TLL1: variants seen among roughly 807,000 people sequenced by gnomAD.
TLL1 encodes tolloid-like protein 1.
In TLL1, 49 loss-of-function variants were observed where a neutral mutation model predicts 128.2. The observed-to-expected ratio is 0.38, with a 90% CI of 0.30 to 0.48. The LOEUF (loss-of-function observed/expected upper bound fraction) is 0.48, where lower values mean the gene tolerates loss of function less well. Among genes scored for constraint, TLL1 ranks in the 20% least tolerant of loss-of-function variants. TLL1 has a pLI of 0.96. For missense variants in TLL1, 1,123 were observed against 1,242.0 expected, an observed-to-expected ratio of 0.90 and a Z score of 1.44; for synonymous variants, 454 against 418.8, an observed-to-expected ratio of 1.08 and a Z score of -1.03.
intron 9 of TLL1, among the ~76,000 whole-genome samples, chr4:166,032,075 A>T (rs1018791107): frequency 1.3e-5 from 2 of 152,150 alleles, no homozygotes; most frequent in African/African-American, 4.8e-5. Context: ...TTCTTTAGTT[A>T]TAGAGAATGT....
At chr4:166,004,434 T>C (rs567440860) in intron 6 of TLL1, among the ~76,000 whole-genome samples, 2 of 152,238 alleles carry the variant, frequency 1.3e-5, no homozygotes, top group East Asian at 3.9e-4. Context: ...ATGTTAGGCG[T>C]TGAAGATACT....
chr4:165,955,700 G>A (rs1286190769), intron 1 of TLL1, among the ~76,000 whole-genome samples: 1 of 152,128 alleles, frequency 6.6e-6, no homozygotes, highest in Non-Finnish European at 1.5e-5. Flanking sequence ...AGTTTCATAA[G>A]TGAAGGAAAA....
At chr4:166,052,494 A>G (rs1368577259) in intron 12 of TLL1, among the ~76,000 whole-genome samples, 1 of 152,028 alleles carries the variant, frequency 6.6e-6, no homozygotes, top group African/African-American at 2.4e-5. Context: ...ACAGGGTTTC[A>G]CCACCTTGGC....
intron 1 of TLL1, among the ~76,000 whole-genome samples, chr4:165,957,858 C>T: frequency 1.0e-5 from 1 of 99,216 alleles, no homozygotes; most frequent in African/African-American, 3.9e-5. Context: ...GCTATCCCTC[C>T]CCCCTCCCCC....
At chr4:166,088,895 G>A (rs1249281794) in intron 18 of TLL1, among the ~76,000 whole-genome samples, 2 of 152,112 alleles carry the variant, frequency 1.3e-5, no homozygotes, top group Admixed American at 6.6e-5. Flanking sequence ...AAGAAAAATA[G>A]TCACCTATTT....
intron 20 of TLL1, among the ~76,000 whole-genome samples, chr4:166,100,048 CA>C (rs1742220008): frequency 6.6e-6 from 1 of 152,096 alleles, no homozygotes; most frequent in Admixed American, 6.6e-5. Context: ...GTGCAGAGTG[CA>C]GGTACAGGTC....
In TLL1 at chr4:165,939,088, G is replaced by GA. The variant is rs1733887056; in HGVS notation, c.170-50289dup. On this transcript the variant is annotated intron_variant, in intron 1 of 20. Coordinates refer to ENST00000061240, the MANE Select transcript of TLL1 (RefSeq NM_012464.5). Reference sequence around the variant, plus strand: ...GTAATGATATTAAGTTTGAAGTGCAGAAAATCTGATCAGAAGCTCTATGTG... The same window carrying GA: ...GTAATGATATTAAGTTTGAAGTGCAGAAAAATCTGATCAGAAGCTCTATGTG... 2.6e-5 allele frequency among the ~76,000 whole-genome samples: 4 copies of GA among 152,036 alleles called. No homozygotes were observed. The South Asian group carries it at 8.3e-4, about 32-fold the overall frequency.
At chr4:165,972,255 C>A (rs1735662613) in intron 1 of TLL1, among the ~76,000 whole-genome samples, 1 of 152,196 alleles carries the variant, frequency 6.6e-6, no homozygotes, top group African/African-American at 2.4e-5. Flanking sequence ...CATGAAAGCT[C>A]TTTGATTTTG....
intron 12 of TLL1, among the ~76,000 whole-genome samples, chr4:166,054,591 C>G (rs1177916764): frequency 7.3e-6 from 1 of 137,772 alleles, no homozygotes. Context: ...ACAGTCCTCA[C>G]AGTGTGATGT....
intron 8 of TLL1, among the ~76,000 whole-genome samples, chr4:166,017,954 G>T (rs982521529): frequency 8.5e-5 from 13 of 152,100 alleles, no homozygotes; most frequent in Non-Finnish European, 1.9e-4. Context: ...ACCAATAACT[G>T]CAAGTATATA....
chr4:166,091,120 T>TA lies in TLL1; in HGVS notation c.2443-2dup. 1 of 1,607,742 alleles carries TA rather than the reference T, an allele frequency of 6.2e-7. No individual in the cohort carries two copies. Among genetic ancestry groups the TA allele is most frequent in the Non-Finnish European group, 8.5e-7 (1 of 1,177,012 alleles). On this transcript the variant is annotated splice_polypyrimidine_tract_variant and splice_region_variant and intron_variant, in intron 18 of 20. Transcript: ENST00000061240. ...TTTTAAAAAAATTATTTCTTCTTTTTAAAAAAGGCCTTTAGTGAATTTGAG... is the reference window on the plus strand; with the variant it reads ...TTTTAAAAAAATTATTTCTTCTTTTTAAAAAAAGGCCTTTAGTGAATTTGAG...
intron 19 of TLL1, among the ~76,000 whole-genome samples, chr4:166,096,348 CG>C (rs945725750): frequency 2.0e-5 from 3 of 147,888 alleles, no homozygotes; most frequent in Non-Finnish European, 2.9e-5. Context: ...AAACCGGGGG[CG>C]GGGGGAACTT....
intron 1 of TLL1, among the ~76,000 whole-genome samples, chr4:165,936,199 T>C (rs1733750085): frequency 6.9e-6 from 1 of 145,358 alleles, no homozygotes; most frequent in African/African-American, 2.5e-5. Context: ...TTCATATATA[T>C]ATATATATTT....
intron 1 of TLL1, among the ~76,000 whole-genome samples, chr4:165,963,637 C>A (rs551688987): frequency 5.6e-4 from 85 of 152,178 alleles, no homozygotes; most frequent in African/African-American, 1.1e-3. Context: ...GAAAGAAATA[C>A]ACAGAATTTT....
chr4:165,935,003 A>C (rs1056303010), intron 1 of TLL1, among the ~76,000 whole-genome samples: 35 of 152,290 alleles, frequency 2.3e-4, no homozygotes, highest in African/African-American at 8.2e-4. Context: ...TGAGATTATA[A>C]AGGGAATTTC....
chr4:165,895,632 G>GAA (rs1731634748), intron 1 of TLL1, among the ~76,000 whole-genome samples: 1 of 26,378 alleles, frequency 3.8e-5, no homozygotes, highest in Non-Finnish European at 5.7e-5. Context: ...AAGACTTTTT[G>GAA]TAAAAAAAAA....
chr4:166,074,945 C>T lies in TLL1; in HGVS notation c.2256C>T (p.Tyr752=). 1 of 1,613,674 alleles carries T rather than the reference C, an allele frequency of 6.2e-7. No individual in the cohort carries two copies. Residue 752 remains tyrosine (Y), a synonymous_variant, in exon 17 of 21, where the codon TAC becomes TAT. Coordinates refer to ENST00000061240, the MANE Select transcript of TLL1 (RefSeq NM_012464.5). The part of the protein sequence containing the change: ...QHECVNTMGS[Y]MCQCRNGFVL... ...AATGTGTCAACACGATGGGGAGCTA[C>T]ATGTGTCAATGCCGTAATGGATTTG...
At chr4:166,008,140 C>A in intron 7 of TLL1, 92 bp downstream of exon 7, 3 of 881,642 alleles carry the variant, frequency 3.4e-6, no homozygotes, top group East Asian at 5.1e-5. Flanking sequence ...ACTAGAATTA[C>A]TTTCAAATAT....
rs530087412 is a variant in TLL1 at position 165,876,077 on chromosome 4, G to C, written c.169+2004G>C. On this transcript the variant is annotated intron_variant, in intron 1 of 20. Transcript: ENST00000061240. ...AGAAGAGGCATACCAGTGCACACCT[G>C]TGTGTGTGTTCACACGCATGCATGT... 1.2e-4 allele frequency among the ~76,000 whole-genome samples: 19 copies of C among 152,260 alleles called. No individual in the cohort carries two copies. In the East Asian group the frequency reaches 2.9e-3, roughly 23 times the overall value.
Sources: gnomAD v4.1 joint callset for allele counts (sites outside exome capture counted in the v4.1 genomes callset) on GRCh38, gnomAD v4.1.1 for gene constraint, MANE v1.5 for transcripts, NCBI Gene and HGNC (gene_info 2026-07-23, HGNC 2026-07-21) for gene names.